LRBA: variants seen among roughly 807,000 people sequenced by gnomAD.
LRBA encodes the protein LPS responsive beige-like anchor protein.
LRBA carries 176 observed loss-of-function variants against 330.0 expected under a neutral mutation model. The ratio of observed to expected loss-of-function variants is 0.53; its 90% CI spans 0.47 to 0.60. The LOEUF is 0.60. Ranked by LOEUF, LRBA falls within the 20% of genes least tolerant of loss-of-function variation. The pLI is 0.00. For synonymous variants in LRBA, 1,230 were observed against 1,193.0 expected (o/e 1.03, Z -0.64); for missense variants, 3,259 against 3,444.8 (o/e 0.95, Z 1.35).
chr4:150,304,417 G>A (rs1730090507), intron 52 of LRBA, among the ~76,000 whole-genome samples: 1 of 152,130 alleles, frequency 6.6e-6, no homozygotes, highest in African/African-American at 2.4e-5. Flanking sequence ...TCATTCATGA[G>A]TGGCAGTCTT....
At chr4:150,544,074 G>C (rs567614819) in intron 40 of LRBA, among the ~76,000 whole-genome samples, 6 of 151,622 alleles carry the variant, frequency 4.0e-5, no homozygotes, top group Non-Finnish European at 8.8e-5. Context: ...GTCCAGCTTT[G>C]CCTCCTACAA....
chr4:150,317,210 A>G (rs540489907), intron 50 of LRBA, among the ~76,000 whole-genome samples: 1 of 152,180 alleles, frequency 6.6e-6, no homozygotes, highest in Non-Finnish European at 1.5e-5. Flanking sequence ...GGAATTTTCT[A>G]TTCTCCTGTG....
intron 17 of LRBA, among the ~76,000 whole-genome samples, chr4:150,877,143 AG>A (rs1754132652): frequency 1.3e-5 from 2 of 151,914 alleles, no homozygotes; most frequent in South Asian, 4.2e-4. Context: ...CTGTATTCCC[AG>A]CTACTCAGGA....
At chr4:150,509,854 T>C (rs1202980511) in intron 40 of LRBA, among the ~76,000 whole-genome samples, 1 of 152,078 alleles carries the variant, frequency 6.6e-6, no homozygotes, top group Non-Finnish European at 1.5e-5. Flanking sequence ...GACACAAACT[T>C]GGCCAGGTCC....
At chr4:150,820,589 T>C (rs2126781531) in intron 30 of LRBA, among the ~76,000 whole-genome samples, 1 of 152,140 alleles carries the variant, frequency 6.6e-6, no homozygotes, top group Admixed American at 6.6e-5. Flanking sequence ...ATAAAATCAA[T>C]TTCCAAATTC....
chr4:150,452,626 G>GGA (rs1554030605), intron 44 of LRBA, among the ~76,000 whole-genome samples: 2 of 137,108 alleles, frequency 1.5e-5, no homozygotes, highest in African/African-American at 2.7e-5. Context: ...CATCTCAAAG[G>GGA]AAAAAAAAAA....
At chr4:150,440,399 C>T (rs1362506849) in intron 44 of LRBA, among the ~76,000 whole-genome samples, 1 of 151,812 alleles carries the variant, frequency 6.6e-6, no homozygotes, top group Non-Finnish European at 1.5e-5. Context: ...AATCACAATA[C>T]AATGAAAAAT....
chr4:150,523,705 G>A (rs553270337), intron 40 of LRBA, among the ~76,000 whole-genome samples: 2 of 152,108 alleles, frequency 1.3e-5, no homozygotes, highest in African/African-American at 2.4e-5. Context: ...AATTCACTTC[G>A]CATACTCTTT....
chr4:150,992,311 G>A (rs376307690), intron 2 of LRBA, among the ~76,000 whole-genome samples: 19 of 85,148 alleles, frequency 2.2e-4, no homozygotes, highest in Non-Finnish European at 5.1e-4. Context: ...GCGAGACTCC[G>A]TCTCAAAAAA....
At chr4:150,570,321 C>A (rs944363851) in intron 40 of LRBA, among the ~76,000 whole-genome samples, 1 of 152,020 alleles carries the variant, frequency 6.6e-6, no homozygotes, top group African/African-American at 2.4e-5. Flanking sequence ...AAAGTGTCCC[C>A]ACTGTAGGCT....
At chr4:150,700,639 T>C (rs1211567644) in intron 36 of LRBA, among the ~76,000 whole-genome samples, 1 of 152,236 alleles carries the variant, frequency 6.6e-6, no homozygotes, top group Non-Finnish European at 1.5e-5. Context: ...ACATTTTTAC[T>C]TCATAAACTT....
At chr4:150,897,020 A>T (rs541725958) in intron 15 of LRBA, among the ~76,000 whole-genome samples, 2 of 151,534 alleles carry the variant, frequency 1.3e-5, no homozygotes, top group African/African-American at 4.8e-5. Context: ...CCACAAGAAG[A>T]AAAGAAATTG....
intron 40 of LRBA, among the ~76,000 whole-genome samples, chr4:150,566,663 GTAA>G (rs937273967): frequency 2.6e-5 from 4 of 152,082 alleles, no homozygotes; most frequent in Admixed American, 2.6e-4. Context: ...AATACAAATA[GTAA>G]TAATGACCAT....
chr4:150,601,055 A>T (rs1233186771), intron 37 of LRBA, among the ~76,000 whole-genome samples: 2 of 152,194 alleles, frequency 1.3e-5, no homozygotes, highest in Non-Finnish European at 2.9e-5. Context: ...CTAGACTGAG[A>T]TCTCCTACAA....
chr4:150,361,978 T>G (rs1189109920), intron 47 of LRBA, among the ~76,000 whole-genome samples: 1 of 152,080 alleles, frequency 6.6e-6, no homozygotes, highest in Non-Finnish European at 1.5e-5. Context: ...TTCACCATGT[T>G]AGCCAGGATG....
At chr4:150,283,630 A>C (rs957867458) in intron 54 of LRBA, among the ~76,000 whole-genome samples, 3 of 152,156 alleles carry the variant, frequency 2.0e-5, no homozygotes, top group East Asian at 1.9e-4. Flanking sequence ...GTAGTTGATA[A>C]ATTTTTTAAA....
intron 17 of LRBA, among the ~76,000 whole-genome samples, chr4:150,875,250 G>A (rs1753878071): frequency 6.6e-6 from 1 of 152,216 alleles, no homozygotes; most frequent in African/African-American, 2.4e-5. Context: ...CCATTCCGGT[G>A]CAGAAATCCT....
chr4:150,398,935 A>C (rs1401733571), intron 47 of LRBA, among the ~76,000 whole-genome samples: 1 of 152,116 alleles, frequency 6.6e-6, no homozygotes, highest in Non-Finnish European at 1.5e-5. Context: ...GCCCTTTTCA[A>C]TATTGTTTTT....
intron 37 of LRBA, among the ~76,000 whole-genome samples, chr4:150,637,432 G>A (rs984844028): frequency 1.8e-4 from 27 of 152,118 alleles, no homozygotes; most frequent in Non-Finnish European, 3.2e-4. Flanking sequence ...AACATAGCCC[G>A]TAAATGCTCC....
Sources: allele counts gnomAD v4.1 joint callset (sites outside exome capture counted in the v4.1 genomes callset), GRCh38; gene constraint gnomAD v4.1.1; transcripts MANE v1.5; gene names NCBI Gene and HGNC (gene_info 2026-07-23, HGNC 2026-07-21).